Variants in PDIA3 observed in about 807,000 individuals in gnomAD.
The protein encoded by PDIA3 is protein disulfide-isomerase A3.
A neutral mutation model predicts 56.9 loss-of-function variants in PDIA3; 16 were observed. That is an observed-to-expected ratio of 0.28 (90% CI 0.19 to 0.43). PDIA3 has a LOEUF of 0.43. Ranked by LOEUF, PDIA3 falls within the 20% of genes least tolerant of loss-of-function variation. The probability of loss-of-function intolerance (pLI) is 1.00; values close to 1 mark genes in which losing one functional copy is unlikely to be tolerated. For synonymous variants in PDIA3, 192 were observed against 216.5 expected, an observed-to-expected ratio of 0.89 and a Z score of 0.99; for missense variants, 485 against 621.3, an observed-to-expected ratio of 0.78 and a Z score of 2.33.
chr15:43,749,754 G>A (rs2086731462), intron 1 of PDIA3, among the ~76,000 whole-genome samples: 1 of 152,060 alleles, frequency 6.6e-6, no homozygotes, highest in African/African-American at 2.4e-5. Flanking sequence ...AGCCTGGGCA[G>A]CATGGCCAGA....
chr15:43,761,611 A>T (rs979433772), intron 4 of PDIA3, 80 bp downstream of exon 4: 1 of 771,652 alleles, frequency 1.3e-6, no homozygotes, highest in Non-Finnish European at 2.2e-6. Flanking sequence ...AAACCACAGA[A>T]TTAAAGCAGT....
chr15:43,764,065 G>A (rs973200706), intron 5 of PDIA3, among the ~76,000 whole-genome samples: 1 of 152,180 alleles, frequency 6.6e-6, no homozygotes, highest in African/African-American at 2.4e-5. Flanking sequence ...TTAGACATTT[G>A]AGAGCCATTA....
intron 1 of PDIA3, chr15:43,751,700 A>T: frequency 7.7e-7 from 1 of 1,303,210 alleles, no homozygotes; most frequent in Non-Finnish European, 1.0e-6. Flanking sequence ...TTTTAGTCCC[A>T]GCCTTGCAGC....
intron 3 of PDIA3, among the ~76,000 whole-genome samples, chr15:43,757,774 A>G (rs1389830555): frequency 6.6e-6 from 1 of 151,596 alleles, no homozygotes; most frequent in Non-Finnish European, 1.5e-5. Context: ...AGGCAGGAGA[A>G]TCACTTGAAC....
At chr15:43,754,954 CAAA>C (rs770741535) in intron 2 of PDIA3, among the ~76,000 whole-genome samples, 1 of 128,750 alleles carries the variant, frequency 7.8e-6, no homozygotes. Flanking sequence ...AACCCTGTCT[CAAA>C]AAAAAAAAAA....
intron 5 of PDIA3, among the ~76,000 whole-genome samples, chr15:43,764,541 C>G (rs778535581): frequency 4.6e-5 from 7 of 152,116 alleles, no homozygotes; most frequent in Non-Finnish European, 1.0e-4. Flanking sequence ...GATCTCGGCT[C>G]ACTACAACCT....
chr15:43,752,947 G>A, intron 1 of PDIA3: 3 of 461,252 alleles, frequency 6.5e-6, no homozygotes, highest in Non-Finnish European at 1.4e-5. Context: ...TCTGGGAAAG[G>A]TATTCTAGTT....
chr15:43,749,488 A>G (rs180852221), intron 1 of PDIA3, among the ~76,000 whole-genome samples: 1 of 152,340 alleles, frequency 6.6e-6, no homozygotes, highest in Admixed American at 6.5e-5. Context: ...AACAGTTAAA[A>G]AATCCTTAGT....
chr15:43,747,017 CT>C lies in PDIA3; in HGVS notation c.167+315del, dbSNP rs2086711462. On this transcript the variant is annotated intron_variant, in intron 1 of 12. Transcript: ENST00000300289. ...CCCCCAGTCCAATATGTAGCTATAT[CT>C]TTTCTGCGTGAGTCAGTATTAATGC... 26 of 419,068 alleles carry C rather than the reference CT, an allele frequency of 6.2e-5. No homozygotes were observed. In the South Asian group the frequency reaches 7.0e-4, roughly 11 times the overall value. The allele number at this position is 419,068 out of a possible 1,614,324, so 26.0% of individuals were successfully genotyped here.
At chr15:43,766,551 G>A (rs559604221) in intron 7 of PDIA3, among the ~76,000 whole-genome samples, 177 bp from the exon 8 acceptor site, 3 of 152,218 alleles carry the variant, frequency 2.0e-5, no homozygotes, top group Non-Finnish European at 2.9e-5. Flanking sequence ...GTTCAGTAAG[G>A]CATTGAAGTA....
intron 8 of PDIA3, 99 bp from the exon 9 acceptor site, chr15:43,768,390 G>A: frequency 2.4e-6 from 2 of 838,682 alleles, no homozygotes; most frequent in East Asian, 2.5e-5. Flanking sequence ...TTTTAGCCTT[G>A]AAAAGCTAAA....
At chr15:43,766,659 GCTT>G (rs1567159068) in intron 7 of PDIA3, 66 bp from the exon 8 acceptor site, 5 of 1,224,628 alleles carry the variant, frequency 4.1e-6, no homozygotes, top group Non-Finnish European at 5.9e-6. Flanking sequence ...CCAATCACTT[GCTT>G]CTTAGTTTCA....
At chr15:43,770,382 C>A in intron 11 of PDIA3, 53 bp downstream of exon 11, 1 of 1,468,614 alleles carries the variant, frequency 6.8e-7, no homozygotes, top group Non-Finnish European at 9.5e-7. Context: ...AGGAATAAAG[C>A]TTGTAACCAC....
intron 1 of PDIA3, among the ~76,000 whole-genome samples, chr15:43,753,593 G>A (rs1406739413): frequency 6.6e-6 from 1 of 152,198 alleles, no homozygotes; most frequent in Non-Finnish European, 1.5e-5. Context: ...GAGCTGCCCT[G>A]TGCTGAGCCA....
chr15:43,752,550 A>G (rs928873322), intron 1 of PDIA3, among the ~76,000 whole-genome samples: 32 of 152,176 alleles, frequency 2.1e-4, no homozygotes, highest in Admixed American at 2.0e-4. Context: ...GAAGTCCCCT[A>G]TGTGCCCCTT....
At chr15:43,764,076 A>G (rs907528295) in intron 5 of PDIA3, among the ~76,000 whole-genome samples, 3 of 152,230 alleles carry the variant, frequency 2.0e-5, no homozygotes, top group Non-Finnish European at 4.4e-5. Context: ...AGAGCCATTA[A>G]AAGACTTTGG....
At chr15:43,748,494 A>G (rs1178305524) in intron 1 of PDIA3, among the ~76,000 whole-genome samples, 6 of 151,884 alleles carry the variant, frequency 4.0e-5, no homozygotes, top group Non-Finnish European at 7.4e-5. Flanking sequence ...AAAAAACCAG[A>G]ATTTTTTATT....
intron 9 of PDIA3, 134 bp from the exon 10 acceptor site, chr15:43,769,384 A>C: frequency 1.4e-6 from 1 of 738,680 alleles, no homozygotes; most frequent in Non-Finnish European, 2.2e-6. Flanking sequence ...ACAATCTGTA[A>C]ATGTGATTTG....
Position 43,772,638 on chromosome 15 carries a change from G to A in PDIA3, c.*1420G>A, listed in dbSNP as rs1442372994. 2 of 152,402 alleles carry A rather than the reference G, an allele frequency of 1.3e-5. No homozygotes were observed. Among genetic ancestry groups the A allele is most frequent in the African/African-American group, 4.8e-5 (2 of 41,466 alleles). The allele number at this position is 152,402 out of a possible 1,614,324, so 9.4% of individuals were successfully genotyped here. On this transcript the variant is annotated 3_prime_UTR_variant, in exon 13 of 13. Coordinates refer to ENST00000300289, the MANE Select transcript of PDIA3 (RefSeq NM_005313.5). The stretch of plus-strand genomic sequence containing the variant: ...CAGTCAGTTTTAATTTTTTAGCCAT[G>A]TTGGTAAAAGTTCATTTTCAGTACA...
Sources: gnomAD v4.1 joint callset for allele counts (sites outside exome capture counted in the v4.1 genomes callset) on GRCh38, gnomAD v4.1.1 for gene constraint, MANE v1.5 for transcripts, NCBI Gene and HGNC (gene_info 2026-07-23, HGNC 2026-07-21) for gene names.